ZNF385D: variants seen among roughly 807,000 people sequenced by gnomAD.
ZNF385D encodes the protein zinc finger protein 659.
Under a neutral mutation model 35.8 loss-of-function variants are expected in ZNF385D, and 15 were observed. The observed-to-expected ratio is 0.42, with a 90% CI of 0.28 to 0.64. The LOEUF (loss-of-function observed/expected upper bound fraction) is 0.64, where lower values mean the gene tolerates loss of function less well. Among genes scored for constraint, ZNF385D ranks in the 30% least tolerant of loss-of-function variants. The probability of loss-of-function intolerance (pLI) is 0.23; values close to 1 mark genes in which losing one functional copy is unlikely to be tolerated. For synonymous variants in ZNF385D, 212 were observed against 186.8 expected, an observed-to-expected ratio of 1.13 and a Z score of -1.10; for missense variants, 474 against 494.6, an observed-to-expected ratio of 0.96 and a Z score of 0.39.
intron 2 of ZNF385D, among the ~76,000 whole-genome samples, chr3:21,644,311 C>T (rs1051893307): frequency 2.4e-4 from 37 of 152,044 alleles, no homozygotes; most frequent in African/African-American, 8.9e-4. Flanking sequence ...CCAGTTATTC[C>T]AGCTCAGGGT....
intron 1 of ZNF385D, among the ~76,000 whole-genome samples, chr3:21,675,632 A>T (rs1281664554): frequency 6.6e-6 from 1 of 152,090 alleles, no homozygotes; most frequent in African/African-American, 2.4e-5. Flanking sequence ...TTTCAATTAA[A>T]CTTTGCCAGA....
chr3:21,654,915 G>C (rs116419881), intron 2 of ZNF385D, among the ~76,000 whole-genome samples: 1 of 152,006 alleles, frequency 6.6e-6, no homozygotes, highest in Non-Finnish European at 1.5e-5. Flanking sequence ...AAGAGTAATT[G>C]TTCTTTACAT....
intron 3 of ZNF385D, among the ~76,000 whole-genome samples, chr3:21,558,861 T>C (rs2062836466): frequency 6.6e-6 from 1 of 152,182 alleles, no homozygotes; most frequent in South Asian, 2.1e-4. Flanking sequence ...ATAGTTAGCA[T>C]ATATATTTAG....
intron 3 of ZNF385D, among the ~76,000 whole-genome samples, chr3:22,134,824 G>T (rs1021792564): frequency 2.0e-5 from 3 of 152,046 alleles, no homozygotes; most frequent in Non-Finnish European, 4.4e-5. Flanking sequence ...TAAAAGAGGG[G>T]TCTAACTCAT....
At chr3:22,242,180 C>G (rs151231507) in intron 2 of ZNF385D, among the ~76,000 whole-genome samples, 2 of 150,594 alleles carry the variant, frequency 1.3e-5, no homozygotes, top group Non-Finnish European at 2.9e-5. Flanking sequence ...ACATATGTAA[C>G]TAACCTGCAC....
At chr3:21,805,169 A>G (rs556314395) in intron 3 of ZNF385D, among the ~76,000 whole-genome samples, 45 of 152,340 alleles carry the variant, frequency 3.0e-4, no homozygotes, top group African/African-American at 1.1e-3. Context: ...ACAGTACTAG[A>G]TGCAGTTAAT....
intron 3 of ZNF385D, among the ~76,000 whole-genome samples, chr3:21,891,379 C>T (rs971001111): frequency 1.3e-5 from 2 of 152,100 alleles, no homozygotes; most frequent in African/African-American, 2.4e-5. Context: ...TCAAGTAATG[C>T]GTGACTAGTT....
intron 1 of ZNF385D, among the ~76,000 whole-genome samples, chr3:21,704,021 A>G (rs574514380): frequency 6.6e-6 from 1 of 152,304 alleles, no homozygotes; most frequent in African/African-American, 2.4e-5. Flanking sequence ...TCTTTTACCA[A>G]CCACAACCAC....
At chr3:22,171,274 G>C (rs73048944) in intron 2 of ZNF385D, among the ~76,000 whole-genome samples, 6,303 of 152,152 alleles carry the variant, frequency 0.041, 191 homozygotes, top group Non-Finnish European at 0.048. Flanking sequence ...CATATATTTG[G>C]AAGAAAATAT....
At chr3:21,594,288 TG>T (rs1174480883) in intron 2 of ZNF385D, among the ~76,000 whole-genome samples, 2 of 152,174 alleles carry the variant, frequency 1.3e-5, no homozygotes, top group Non-Finnish European at 2.9e-5. Flanking sequence ...AGCTAATAGA[TG>T]GGGTCTGTGT....
At chr3:21,604,131 C>G (rs965745238) in intron 2 of ZNF385D, among the ~76,000 whole-genome samples, 1 of 152,094 alleles carries the variant, frequency 6.6e-6, no homozygotes, top group Non-Finnish European at 1.5e-5. Flanking sequence ...TAAAAACACT[C>G]AGATTTAAGG....
intron 2 of ZNF385D, among the ~76,000 whole-genome samples, chr3:22,315,938 AATCC>A (rs1414985479): frequency 6.6e-6 from 1 of 152,180 alleles, no homozygotes; most frequent in Admixed American, 6.5e-5. Flanking sequence ...TAGTTCCTAT[AATCC>A]CTTACTGCTA....
At chr3:22,232,571 A>C (rs1317255626) in intron 2 of ZNF385D, among the ~76,000 whole-genome samples, 1 of 152,022 alleles carries the variant, frequency 6.6e-6, no homozygotes, top group African/African-American at 2.4e-5. Flanking sequence ...CTGGTGTGTG[A>C]TGTTCCCCTC....
chr3:21,812,530 G>T (rs1192158827), intron 3 of ZNF385D, among the ~76,000 whole-genome samples: 1 of 152,228 alleles, frequency 6.6e-6, no homozygotes, highest in Non-Finnish European at 1.5e-5. Context: ...CTTAGCAAAT[G>T]GCACACCAGG....
intron 2 of ZNF385D, among the ~76,000 whole-genome samples, chr3:22,297,095 C>G (rs1393722819): frequency 2.0e-5 from 3 of 152,042 alleles, no homozygotes. Context: ...ACTATTAAAA[C>G]ATATTGTATT....
At chr3:21,825,256 C>G (rs901762214) in intron 3 of ZNF385D, among the ~76,000 whole-genome samples, 1 of 152,094 alleles carries the variant, frequency 6.6e-6, no homozygotes, top group Non-Finnish European at 1.5e-5. Context: ...GGTGAAACCC[C>G]CTTGGCTCTA....
intron 2 of ZNF385D, among the ~76,000 whole-genome samples, chr3:21,659,190 T>TA (rs34222986): frequency 6.6e-6 from 1 of 152,058 alleles, no homozygotes; most frequent in Non-Finnish European, 1.5e-5. Context: ...AGTGAATCAG[T>TA]AAAAAATTAC....
At chr3:21,756,740 C>T (rs1446657370) in intron 3 of ZNF385D, among the ~76,000 whole-genome samples, 1 of 152,120 alleles carries the variant, frequency 6.6e-6, no homozygotes, top group Non-Finnish European at 1.5e-5. Flanking sequence ...TATGTGTTGA[C>T]ATATGAATGA....
chr3:21,840,608 G>C (rs1001039683), intron 3 of ZNF385D, among the ~76,000 whole-genome samples: 1 of 151,922 alleles, frequency 6.6e-6, no homozygotes, highest in Non-Finnish European at 1.5e-5. Context: ...AATGCATTTG[G>C]GATTTGGCGA....
Sources: gnomAD v4.1 joint callset for allele counts (sites outside exome capture counted in the v4.1 genomes callset) on GRCh38, gnomAD v4.1.1 for gene constraint, MANE v1.5 for transcripts, NCBI Gene and HGNC (gene_info 2026-07-23, HGNC 2026-07-21) for gene names.